The following GRM5 variants were observed in gnomAD, a reference collection of about 807,000 sequenced individuals.
GRM5 encodes the protein metabotropic glutamate receptor 5.
Under a neutral mutation model 83.1 loss-of-function variants are expected in GRM5, and 19 were observed. The ratio of observed to expected loss-of-function variants is 0.23; its 90% CI spans 0.16 to 0.34. The LOEUF is 0.34. GRM5 is among the 10% of genes least tolerant of loss of function. The probability of loss-of-function intolerance (pLI) is 1.00; values close to 1 mark genes in which losing one functional copy is unlikely to be tolerated. For synonymous variants in GRM5, 675 were observed against 633.6 expected (o/e 1.07, Z -0.98); for missense variants, 1,160 against 1,588.3 (o/e 0.73, Z 4.58).
At chr11:88,724,694 CA>C (rs1941634081) in intron 3 of GRM5, among the ~76,000 whole-genome samples, 1 of 152,108 alleles carries the variant, frequency 6.6e-6, no homozygotes, top group Admixed American at 6.6e-5. Flanking sequence ...TCTGCATTTC[CA>C]GCTGAGGTAC....
At chr11:88,544,057 T>C (rs1942336053) in intron 8 of GRM5, among the ~76,000 whole-genome samples, 1 of 151,898 alleles carries the variant, frequency 6.6e-6, no homozygotes, top group South Asian at 2.1e-4. Context: ...TCCCATTTGC[T>C]CTCACTCTCT....
intron 3 of GRM5, among the ~76,000 whole-genome samples, chr11:88,677,343 C>A (rs1422796423): frequency 2.6e-5 from 4 of 152,048 alleles, no homozygotes; most frequent in African/African-American, 7.2e-5. Flanking sequence ...CAGAGTAATT[C>A]TTCTCTTTGC....
chr11:88,556,525 G>A (rs1374769928), intron 8 of GRM5, among the ~76,000 whole-genome samples: 5 of 152,058 alleles, frequency 3.3e-5, no homozygotes, highest in South Asian at 4.1e-4. Flanking sequence ...GTTTCACCAT[G>A]TTGGTCAGGC....
chr11:89,043,936 G>T (rs1019331125), intron 2 of GRM5, among the ~76,000 whole-genome samples: 1 of 152,132 alleles, frequency 6.6e-6, no homozygotes, highest in Admixed American at 6.6e-5. Context: ...TCAACCAAGT[G>T]CTATTGGTCA....
intron 2 of GRM5, among the ~76,000 whole-genome samples, chr11:88,957,848 T>G (rs1938670060): frequency 6.6e-6 from 1 of 152,122 alleles, no homozygotes; most frequent in Non-Finnish European, 1.5e-5. Context: ...ACAAAAAAAG[T>G]ATCCAAATTT....
At chr11:88,545,122 T>C (rs1942358990) in intron 8 of GRM5, among the ~76,000 whole-genome samples, 1 of 152,190 alleles carries the variant, frequency 6.6e-6, no homozygotes, top group African/African-American at 2.4e-5. Flanking sequence ...ACTGGAACTA[T>C]TGACTACTTC....
At chr11:88,568,916 C>T (rs1942928094) in intron 7 of GRM5, among the ~76,000 whole-genome samples, 1 of 152,188 alleles carries the variant, frequency 6.6e-6, no homozygotes, top group Non-Finnish European at 1.5e-5. Context: ...GCACCACTCT[C>T]AAAATCGTTC....
At chr11:88,760,199 A>C (rs1238697032) in intron 3 of GRM5, among the ~76,000 whole-genome samples, 1 of 152,198 alleles carries the variant, frequency 6.6e-6, no homozygotes, top group Non-Finnish European at 1.5e-5. Context: ...CAAAGCTAGC[A>C]GAAGACAAGA....
chr11:88,518,094 A>G (rs2135092430), intron 9 of GRM5, among the ~76,000 whole-genome samples: 1 of 152,086 alleles, frequency 6.6e-6, no homozygotes, highest in South Asian at 2.1e-4. Flanking sequence ...TTCCTGTTAC[A>G]TTTCTGTATT....
chr11:88,895,811 T>C (rs1945220119), intron 2 of GRM5, among the ~76,000 whole-genome samples: 1 of 151,944 alleles, frequency 6.6e-6, no homozygotes. Flanking sequence ...AGAATTAAGG[T>C]CTGTGTGATC....
At chr11:88,927,821 AT>A (rs1945816043) in intron 2 of GRM5, among the ~76,000 whole-genome samples, 1 of 152,136 alleles carries the variant, frequency 6.6e-6, no homozygotes. Context: ...TCTTAAAAAT[AT>A]TTTTTAGGAC....
At chr11:88,714,499 T>G (rs1941357071) in intron 3 of GRM5, among the ~76,000 whole-genome samples, 1 of 152,014 alleles carries the variant, frequency 6.6e-6, no homozygotes, top group Admixed American at 6.6e-5. Context: ...GATGGAAACC[T>G]AAAGCATATA....
At chr11:88,613,779 A>G (rs1938393089) in intron 4 of GRM5, among the ~76,000 whole-genome samples, 1 of 152,198 alleles carries the variant, frequency 6.6e-6, no homozygotes, top group Non-Finnish European at 1.5e-5. Flanking sequence ...CTTCATGAAG[A>G]CCACCATGAT....
At chr11:89,061,990 A>G (rs1942004563) in intron 1 of GRM5, among the ~76,000 whole-genome samples, 1 of 152,178 alleles carries the variant, frequency 6.6e-6, no homozygotes, top group African/African-American at 2.4e-5. Context: ...TGCTATGTAC[A>G]TTTTTCTCCT....
At chr11:88,893,394 T>C (rs1210865424) in intron 2 of GRM5, among the ~76,000 whole-genome samples, 1 of 151,984 alleles carries the variant, frequency 6.6e-6, no homozygotes, top group Non-Finnish European at 1.5e-5. Flanking sequence ...GTGGAAGTCA[T>C]GAAAAGATTA....
chr11:88,590,598 T>C lies in GRM5; in HGVS notation c.1690+3A>G. ...TATATGTGGTGAGATTGTGATAGAT[T>C]ACCTGTGAGATCATCAGTGGGCCAA... On this transcript the variant is annotated splice_donor_region_variant and intron_variant, in intron 7 of 9. Transcript: ENST00000305447. The C allele has an allele frequency of 6.2e-7, 1 of 1,611,292 alleles. No individual in the cohort carries two copies. The highest frequency in any genetic ancestry group is 8.5e-7 in the Non-Finnish European group (1 of 1,177,656).
chr11:88,608,970 A>G lies in GRM5; in HGVS notation c.1148-4006T>C, dbSNP rs192507212. Among the ~76,000 whole-genome samples the G allele has an allele frequency of 2.9e-3, 441 of 152,222 alleles. 2 individuals are homozygous for G. The highest frequency in any genetic ancestry group is 6.5e-3 in the Admixed American group (100 of 15,292). On this transcript the variant is annotated intron_variant, in intron 4 of 9. Transcript: ENST00000305447. ...TTTTACTTTTTCTCCCTAATCCTAC[A>G]CTAATACTAGTCCTAACCATTTTCT...
chr11:88,559,160 A>T (rs1409754427), intron 8 of GRM5, among the ~76,000 whole-genome samples: 2 of 152,192 alleles, frequency 1.3e-5, no homozygotes, highest in Non-Finnish European at 2.9e-5. Flanking sequence ...TTTAAATTTT[A>T]TCTCAGAAGC....
At chr11:89,053,215 T>A (rs1473978383) in intron 1 of GRM5, among the ~76,000 whole-genome samples, 1 of 152,100 alleles carries the variant, frequency 6.6e-6, no homozygotes, top group Non-Finnish European at 1.5e-5. Context: ...GTGTAGGTTA[T>A]CTAGTACAAG....
Sources: gnomAD v4.1 joint callset for allele counts (sites outside exome capture counted in the v4.1 genomes callset) on GRCh38, gnomAD v4.1.1 for gene constraint, MANE v1.5 for transcripts, NCBI Gene and HGNC (gene_info 2026-07-23, HGNC 2026-07-21) for gene names.